The following WDFY4 variants were observed in gnomAD, a reference collection of about 807,000 sequenced individuals.
The protein encoded by WDFY4 is WDFY family member 4.
Under a neutral mutation model 351.9 loss-of-function variants are expected in WDFY4, and 169 were observed. That is an observed-to-expected ratio of 0.48 (90% confidence interval 0.42 to 0.55). The LOEUF is 0.55. Ranked by LOEUF, WDFY4 falls within the 20% of genes least tolerant of loss-of-function variation. The probability of loss-of-function intolerance (pLI) is 0.00; values close to 1 mark genes in which losing one functional copy is unlikely to be tolerated. For missense variants in WDFY4, 3,803 were observed against 3,935.6 expected (o/e 0.97, Z 0.90); for synonymous variants, 1,622 against 1,574.6 (o/e 1.03, Z -0.71).
chr10:48,945,715 G>A (rs1034876210), intron 49 of WDFY4, among the ~76,000 whole-genome samples: 3 of 152,234 alleles, frequency 2.0e-5, no homozygotes. Flanking sequence ...ATGCAGTTTA[G>A]GAGCCAAGTG....
intron 6 of WDFY4, 93 bp from the exon 7 acceptor site, chr10:48,727,377 C>A: frequency 1.6e-6 from 2 of 1,264,098 alleles, no homozygotes; most frequent in Non-Finnish European, 1.1e-6. Flanking sequence ...CATGTCTTGA[C>A]ATGTTGTTTG....
intron 7 of WDFY4, among the ~76,000 whole-genome samples, chr10:48,728,206 C>T (rs2064332708): frequency 6.6e-6 from 1 of 152,230 alleles, no homozygotes; most frequent in African/African-American, 2.4e-5. Context: ...TGGCCTCTCC[C>T]CTACTGGTGT....
chr10:48,694,975 C>A (rs924164801), intron 1 of WDFY4, among the ~76,000 whole-genome samples: 1 of 152,178 alleles, frequency 6.6e-6, no homozygotes, highest in African/African-American at 2.4e-5. Flanking sequence ...CCTGCTCCCC[C>A]TGAGCTTTGA....
At chr10:48,715,422 T>A (rs896368257) in intron 2 of WDFY4, among the ~76,000 whole-genome samples, 1 of 152,184 alleles carries the variant, frequency 6.6e-6, no homozygotes, top group South Asian at 2.1e-4. Context: ...ACTAACTTAG[T>A]TGTATTTAGA....
In WDFY4 at chr10:48,946,981, C is replaced by T; in HGVS notation, c.7977+12C>T. On this transcript the variant is annotated intron_variant, in intron 51 of 61. Coordinates refer to ENST00000325239, the MANE Select transcript of WDFY4 (RefSeq NM_001394531.1). ...TCTGCGCTCTGCAGGTGAGCTGCTG[C>T]CACTCTCTGTACACACACACACACA... is the stretch of plus-strand genomic sequence containing the variant. The T allele has an allele frequency of 6.7e-7, 1 of 1,489,084 alleles. No individual in the cohort carries two copies. The highest frequency in any genetic ancestry group is 9.1e-7 in the Non-Finnish European group (1 of 1,099,212). 92.2% of individuals were successfully genotyped at this position (1,489,084 alleles called of 1,614,324 possible).
intron 1 of WDFY4, among the ~76,000 whole-genome samples, chr10:48,692,319 G>A (rs551607474): frequency 2.6e-5 from 4 of 152,308 alleles, no homozygotes; most frequent in Non-Finnish European, 4.4e-5. Flanking sequence ...TACCCTATCC[G>A]AGTGACAGGA....
intron 47 of WDFY4, among the ~76,000 whole-genome samples, chr10:48,925,946 A>G (rs1270081114): frequency 1.3e-5 from 2 of 152,194 alleles, no homozygotes; most frequent in Non-Finnish European, 2.9e-5. Context: ...CTATAAGAGA[A>G]TTGAGACTCA....
chr10:48,923,774 C>A (rs1448170046), intron 47 of WDFY4, among the ~76,000 whole-genome samples: 4 of 152,050 alleles, frequency 2.6e-5, no homozygotes, highest in Non-Finnish European at 4.4e-5. Flanking sequence ...ACCAGATTCC[C>A]CTGAACACCA....
chr10:48,771,643 A>C (rs2065869411), intron 13 of WDFY4, among the ~76,000 whole-genome samples: 1 of 152,202 alleles, frequency 6.6e-6, no homozygotes, highest in Non-Finnish European at 1.5e-5. Context: ...GGCTGCAGGG[A>C]CCACCCCATC....
rs1433454819 is a variant in WDFY4, at chr10:48,932,220, AGTG to A, written c.7587-9584_7587-9582del. Among the ~76,000 whole-genome samples, 12 of 152,342 alleles carry A rather than the reference AGTG, an allele frequency of 7.9e-5. No homozygotes were observed. In the East Asian group the frequency reaches 1.9e-3, roughly 24 times the overall value. ...AGCCAGTCATCTGGCTTCTACCACC[AGTG>A]GCGGGTGCTGGTGGGGAATGCTGGT... On this transcript the variant is annotated intron_variant, in intron 47 of 61. Transcript: ENST00000325239.
At chr10:48,879,108 G>T (rs2070145050) in intron 43 of WDFY4, among the ~76,000 whole-genome samples, 2 of 152,170 alleles carry the variant, frequency 1.3e-5, no homozygotes, top group African/African-American at 4.8e-5. Flanking sequence ...TGGATATTTA[G>T]TAAATACCTT....
chr10:48,845,796 A>G (rs1171200194), intron 39 of WDFY4, among the ~76,000 whole-genome samples: 1 of 149,578 alleles, frequency 6.7e-6, no homozygotes, highest in Non-Finnish European at 1.5e-5. Flanking sequence ...AAGAAAGTCA[A>G]TTCCTAGGAA....
In WDFY4 at chr10:48,981,410, C is replaced by G; in HGVS notation, c.9420C>G (p.Asp3140Glu). The change falls in exon 61 of 62, where the codon GAC becomes GAG. Residue 3140 changes from aspartate to glutamate, a missense_variant. Asp to Glu is a conservative substitution (Grantham distance 45, BLOSUM62 2). Around this residue, in one of 3 missense-constraint regions of WDFY4, gnomAD observed 3,054 missense variants for 3,148.6 expected, o/e 0.97. Coordinates refer to ENST00000325239, the MANE Select transcript of WDFY4 (RefSeq NM_001394531.1). ...EKNLALSREL[D>E]VSIALTGKPS... is the part of the protein sequence containing the mutation. The stretch of plus-strand genomic sequence containing the variant: ...ACCTGGCCTTGAGTCGAGAGCTGGA[C>G]GTTAGCATTGCTTTGACAGGGAAGC... The G allele has an allele frequency of 6.4e-7, 1 of 1,551,786 alleles. No individual in the cohort carries two copies. Among genetic ancestry groups the G allele is most frequent in the Non-Finnish European group, 8.7e-7 (1 of 1,147,014 alleles).
rs908960536 is a variant in WDFY4, at chr10:48,764,630, G to T, written c.2553+4190G>T. ...GCTTCTAATCAGGTCTTAACTGAGG[G>T]TGTTTGCTGTGCACCAGGCACTCAC... On this transcript the variant is annotated intron_variant, in intron 13 of 61. Transcript: ENST00000325239. 3.9e-5 allele frequency among the ~76,000 whole-genome samples: 6 copies of T among 152,214 alleles called. No homozygotes were observed. The East Asian group carries it at 7.7e-4, about 20-fold the overall frequency.
At chr10:48,916,513 G>A (rs1372585874) in intron 47 of WDFY4, among the ~76,000 whole-genome samples, 1 of 151,986 alleles carries the variant, frequency 6.6e-6, no homozygotes, top group African/African-American at 2.4e-5. Context: ...CCTCAGAGCT[G>A]GGGGGTTGCT....
At chr10:48,973,783 A>G (rs1040223857) in intron 57 of WDFY4, among the ~76,000 whole-genome samples, 1 of 152,202 alleles carries the variant, frequency 6.6e-6, no homozygotes, top group Non-Finnish European at 1.5e-5. Flanking sequence ...CACAGAGAAG[A>G]AGGCCTCCAG....
At chr10:48,824,199 A>G (rs1267270349) in intron 35 of WDFY4, 2 of 985,242 alleles carry the variant, frequency 2.0e-6, no homozygotes, top group Admixed American at 1.2e-4. Context: ...AGCGTGGCTT[A>G]AGTGTCCAGT....
chr10:48,797,889 G>C (rs941257814), intron 24 of WDFY4, among the ~76,000 whole-genome samples: 1 of 152,192 alleles, frequency 6.6e-6, no homozygotes, highest in Non-Finnish European at 1.5e-5. Context: ...AGAATGATAT[G>C]TGAGAATTTT....
chr10:48,905,557 G>A (rs1837571331), intron 47 of WDFY4, among the ~76,000 whole-genome samples: 1 of 152,184 alleles, frequency 6.6e-6, no homozygotes, highest in South Asian at 2.1e-4. Flanking sequence ...GCTATGCTGG[G>A]TCATTCCTGG....
Sources: gnomAD v4.1 joint callset for allele counts (sites outside exome capture counted in the v4.1 genomes callset) on GRCh38, gnomAD v4.1.1 for gene constraint, gnomAD v4.1.1 regional missense constraint, MANE v1.5 for transcripts, NCBI Gene and HGNC (gene_info 2026-07-23, HGNC 2026-07-21) for gene names.